ROBO1: variants seen among roughly 807,000 people sequenced by gnomAD.
ROBO1 encodes roundabout homolog 1.
ROBO1 carries 149 observed loss-of-function variants against 195.9 expected under a neutral mutation model. The ratio of observed to expected loss-of-function variants is 0.76; its 90% CI spans 0.67 to 0.87. The LOEUF (loss-of-function observed/expected upper bound fraction) is 0.87. ROBO1 is among the 40% of genes least tolerant of loss of function. ROBO1 has a pLI of 0.00. For missense variants in ROBO1, 1,933 were observed against 2,068.3 expected (o/e 0.93, Z 1.27); for synonymous variants, 816 against 733.2 (o/e 1.11, Z -1.82).
intron 3 of ROBO1, among the ~76,000 whole-genome samples, chr3:78,948,105 C>G (rs531259174): frequency 1.8e-4 from 27 of 151,722 alleles, no homozygotes; most frequent in Non-Finnish European, 3.5e-4. Flanking sequence ...GAAAAAGGAG[C>G]TGGTACCATT....
At chr3:79,653,132 T>G (rs1946061237) in intron 1 of ROBO1, among the ~76,000 whole-genome samples, 1 of 151,808 alleles carries the variant, frequency 6.6e-6, no homozygotes, top group Admixed American at 6.6e-5. Flanking sequence ...ACAAATAACT[T>G]ACTGGAGGAT....
intron 4 of ROBO1, among the ~76,000 whole-genome samples, chr3:78,931,236 C>CTTTTTTTTT (rs71127369): frequency 1.9e-4 from 15 of 79,216 alleles, no homozygotes; most frequent in East Asian, 4.0e-4. Flanking sequence ...TTCTTTCTTT[C>CTTTTTTTTT]TTTTTTTTTT....
chr3:78,659,616 C>G (rs1203264643), intron 17 of ROBO1, 70 bp downstream of exon 17: 1 of 1,198,996 alleles, frequency 8.3e-7, no homozygotes, highest in Non-Finnish European at 1.1e-6. Flanking sequence ...AAATACCAGC[C>G]TGCTTTTTCT....
At chr3:78,757,726 T>C (rs2082975027) in intron 4 of ROBO1, among the ~76,000 whole-genome samples, 2 of 152,266 alleles carry the variant, frequency 1.3e-5, no homozygotes, top group Admixed American at 6.5e-5. Context: ...TTGCCAATTA[T>C]AACATCCCCT....
intron 1 of ROBO1, among the ~76,000 whole-genome samples, chr3:79,752,864 G>A (rs1704195174): frequency 6.6e-6 from 1 of 152,030 alleles, no homozygotes; most frequent in Non-Finnish European, 1.5e-5. Flanking sequence ...AAAAATGAGG[G>A]ATCATCAACT....
intron 2 of ROBO1, among the ~76,000 whole-genome samples, chr3:79,376,667 C>T (rs914759121): frequency 1.3e-5 from 2 of 152,120 alleles, no homozygotes; most frequent in East Asian, 1.9e-4. Context: ...CCACCATGAT[C>T]GTGAGGCCTC....
intron 2 of ROBO1, among the ~76,000 whole-genome samples, chr3:79,126,090 G>A (rs1381760407): frequency 6.6e-6 from 1 of 152,066 alleles, no homozygotes; most frequent in East Asian, 1.9e-4. Context: ...TGAGAAACAC[G>A]GAAGAAAACG....
intron 4 of ROBO1, among the ~76,000 whole-genome samples, chr3:78,788,216 C>T (rs1481978644): frequency 1.3e-5 from 2 of 151,396 alleles, no homozygotes; most frequent in East Asian, 1.9e-4. Flanking sequence ...CCTGGGTTCA[C>T]GCCATTCTCC....
chr3:78,668,599 A>T (rs1339760414), intron 11 of ROBO1, 34 bp from the exon 12 acceptor site: 13 of 1,603,912 alleles, frequency 8.1e-6, no homozygotes, highest in Non-Finnish European at 1.1e-5. Flanking sequence ...ATATTTGGAA[A>T]AATCAAGAAC....
intron 2 of ROBO1, among the ~76,000 whole-genome samples, chr3:79,393,067 C>A (rs1001273890): frequency 6.6e-6 from 1 of 152,160 alleles, no homozygotes; most frequent in Non-Finnish European, 1.5e-5. Context: ...CATTCAAGAC[C>A]TTTCCTCTCT....
intron 9 of ROBO1, among the ~76,000 whole-genome samples, chr3:78,686,843 T>G (rs958660095): frequency 6.6e-6 from 1 of 152,158 alleles, no homozygotes; most frequent in African/African-American, 2.4e-5. Flanking sequence ...GGTGAGAATA[T>G]CTGTTATGTA....
chr3:79,243,838 GA>G (rs1320926361), intron 2 of ROBO1, among the ~76,000 whole-genome samples: 1 of 152,068 alleles, frequency 6.6e-6, no homozygotes, highest in African/African-American at 2.4e-5. Context: ...AGTTTAATTA[GA>G]TCCCATTTGT....
chr3:78,699,666 C>T (rs1433443700), intron 8 of ROBO1, among the ~76,000 whole-genome samples: 1 of 151,602 alleles, frequency 6.6e-6, no homozygotes, highest in African/African-American at 2.4e-5. Flanking sequence ...CAACATGGTC[C>T]TATTGCTTTT....
intron 4 of ROBO1, among the ~76,000 whole-genome samples, chr3:78,930,844 A>G (rs2039481707): frequency 6.6e-6 from 1 of 152,206 alleles, no homozygotes; most frequent in Admixed American, 6.5e-5. Flanking sequence ...TGTAACACTC[A>G]GGTACAACAT....
chr3:79,538,225 T>A (rs1204444754), intron 2 of ROBO1, among the ~76,000 whole-genome samples: 2 of 152,184 alleles, frequency 1.3e-5, no homozygotes. Context: ...TCTGAAGAGT[T>A]AATACAGATT....
At chr3:79,268,090 G>A (rs752522946) in intron 2 of ROBO1, among the ~76,000 whole-genome samples, 1 of 151,590 alleles carries the variant, frequency 6.6e-6, no homozygotes, top group African/African-American at 2.4e-5. Context: ...TCTTGCAAAT[G>A]GTTGTGTGCA....
At chr3:79,507,899 T>C (rs1439174479) in intron 2 of ROBO1, 3 of 154,756 alleles carry the variant, frequency 1.9e-5, no homozygotes, top group Admixed American at 6.5e-5. Context: ...TAGAGTGAGC[T>C]CTAATCCAAT....
At chr3:79,549,838 T>C (rs1942410802) in intron 2 of ROBO1, among the ~76,000 whole-genome samples, 1 of 152,100 alleles carries the variant, frequency 6.6e-6, no homozygotes. Flanking sequence ...GTGCAGTGGT[T>C]CACCCAGCTG....
intron 25 of ROBO1, 147 bp downstream of exon 25, chr3:78,631,011 TTCC>T: frequency 5.0e-6 from 4 of 799,194 alleles, no homozygotes; most frequent in Non-Finnish European, 7.4e-6. Flanking sequence ...GAATTTTTAC[TTCC>T]TGCTGACCAG....
Sources: allele counts gnomAD v4.1 joint callset (sites outside exome capture counted in the v4.1 genomes callset), GRCh38; gene constraint gnomAD v4.1.1; transcripts MANE v1.5; gene names NCBI Gene and HGNC (gene_info 2026-07-23, HGNC 2026-07-21).